Variants in PLEKHA2 observed in about 807,000 individuals in gnomAD.
PLEKHA2 encodes pleckstrin homology domain containing A2.
A neutral mutation model predicts 53.2 loss-of-function variants in PLEKHA2; 28 were observed. The ratio of observed to expected loss-of-function variants is 0.53; its 90% CI spans 0.39 to 0.72. PLEKHA2 has a LOEUF of 0.72. PLEKHA2 is among the 30% of genes least tolerant of loss of function. PLEKHA2 has a pLI of 0.00. For missense variants in PLEKHA2, 426 were observed against 537.9 expected, an observed-to-expected ratio of 0.79 and a Z score of 2.06; for synonymous variants, 193 against 196.4, an observed-to-expected ratio of 0.98 and a Z score of 0.14.
At chr8:38,950,603 G>C (rs1394095856) in intron 5 of PLEKHA2, 5 of 376,520 alleles carry the variant, frequency 1.3e-5, no homozygotes, top group Non-Finnish European at 2.4e-5. Flanking sequence ...TCTAGCCAGG[G>C]AAGGGCTGGC....
chr8:38,913,369 G>GAA (rs1469468565), intron 1 of PLEKHA2, among the ~76,000 whole-genome samples: 1 of 55,684 alleles, frequency 1.8e-5, no homozygotes, highest in African/African-American at 7.4e-5. Context: ...ATCTCAAAAA[G>GAA]GAAAAAAAAA....
chr8:38,946,293 T>A, intron 5 of PLEKHA2, 72 bp downstream of exon 5: 1 of 1,327,014 alleles, frequency 7.5e-7, no homozygotes, highest in Non-Finnish European at 1.1e-6. Flanking sequence ...TTGTTGGGGT[T>A]GGGGAAAACT....
chr8:38,908,794 CA>C (rs1833915256), intron 1 of PLEKHA2, among the ~76,000 whole-genome samples: 1 of 152,102 alleles, frequency 6.6e-6, no homozygotes, highest in South Asian at 2.1e-4. Flanking sequence ...AACCTGAAAA[CA>C]GAGTTTTTGA....
Position 38,946,163 on chromosome 8 carries a change from A to G in PLEKHA2, c.287A>G (p.Asn96Ser), listed in dbSNP as rs779442333. The G allele has an allele frequency of 2.4e-5, 38 of 1,608,908 alleles. No homozygotes were observed. In the Admixed American group the frequency reaches 2.9e-4, roughly 12 times the overall value. ...TCTCAGAGATATTTCCTTCAAGCCA[A>G]TGATCAGAAAGATATGAAGGACTGG... The part of the protein sequence containing the change: ...ALSQRYFLQA[N>S]DQKDMKDWVE... The change falls in exon 5 of 12, where the codon AAT (asparagine) becomes AGT (serine). Residue 96 changes from asparagine (N) to serine (S), a missense_variant. Physicochemically the swap from Asn to Ser is conservative, Grantham distance 46. Coordinates refer to ENST00000617275, the MANE Select transcript of PLEKHA2 (RefSeq NM_021623.2).
intron 10 of PLEKHA2, among the ~76,000 whole-genome samples, chr8:38,966,614 T>G (rs1394473958): frequency 6.6e-6 from 1 of 152,196 alleles, no homozygotes; most frequent in African/African-American, 2.4e-5. Context: ...GCGAGGCCGC[T>G]GGAGTTTCCT....
At chr8:38,950,777 C>T (rs1009822196) in intron 5 of PLEKHA2, 73 bp from the exon 6 acceptor site, 3 of 1,543,568 alleles carry the variant, frequency 1.9e-6, no homozygotes, top group Non-Finnish European at 2.6e-6. Flanking sequence ...CACGGCAGCC[C>T]CATTCTGTTT....
intron 9 of PLEKHA2, among the ~76,000 whole-genome samples, chr8:38,955,923 G>A (rs1834931125): frequency 1.3e-5 from 2 of 152,084 alleles, no homozygotes; most frequent in Non-Finnish European, 1.5e-5. Flanking sequence ...TGATCCTCCC[G>A]CCTCAGCCTC....
At chr8:38,928,574 C>A (rs1237133075) in intron 2 of PLEKHA2, among the ~76,000 whole-genome samples, 2 of 151,958 alleles carry the variant, frequency 1.3e-5, no homozygotes, top group Non-Finnish European at 2.9e-5. Context: ...GTCTCTGTCA[C>A]CAGAGTTGGA....
At chr8:38,958,426 C>A (rs1834980979) in intron 10 of PLEKHA2, among the ~76,000 whole-genome samples, 1 of 152,240 alleles carries the variant, frequency 6.6e-6, no homozygotes, top group South Asian at 2.1e-4. Flanking sequence ...TCCCGCTGCC[C>A]TTTCTTCTGG....
chr8:38,942,360 G>T (rs10088480), intron 3 of PLEKHA2, among the ~76,000 whole-genome samples: 45,268 of 151,956 alleles, frequency 0.3, 6,958 homozygotes, highest in Non-Finnish European at 0.32. Context: ...CTGTGATTGC[G>T]CCACTGCACT....
chr8:38,931,995 C>A (rs138304611), intron 2 of PLEKHA2, among the ~76,000 whole-genome samples: 51 of 151,898 alleles, frequency 3.4e-4, no homozygotes, highest in African/African-American at 1.2e-3. Context: ...CTCTTTTTTT[C>A]TTTTTAATAA....
chr8:38,956,775 G>C (rs1332975243), intron 9 of PLEKHA2, among the ~76,000 whole-genome samples: 1 of 152,108 alleles, frequency 6.6e-6, no homozygotes, highest in East Asian at 1.9e-4. Context: ...AGAGACTCTG[G>C]AGTCAGACCT....
Position 38,917,888 on chromosome 8 carries a change from A to G in PLEKHA2, c.-23-19A>G. The G allele has an allele frequency of 1.2e-6, 2 of 1,601,378 alleles. No individual in the cohort carries two copies. The highest frequency in any genetic ancestry group is 1.7e-6 in the Non-Finnish European group (2 of 1,171,204). The stretch of plus-strand genomic sequence containing the variant: ...CTGCTTCATCTTCCTTCTCATCAGC[A>G]CCTCCCTCCTGCGCGCAGGGTGATG... On this transcript the variant is annotated intron_variant, in intron 1 of 11. Coordinates refer to ENST00000617275, the MANE Select transcript of PLEKHA2 (RefSeq NM_021623.2).
At position 38,972,365 on chromosome 8, in the gene PLEKHA2, T is replaced by A. The variant is rs991865125; in HGVS notation, c.*2582T>A. 6.6e-6 allele frequency: 1 copy of A among 152,142 alleles called. No individual in the cohort carries two copies. The highest frequency in any genetic ancestry group is 2.4e-5 in the African/African-American group (1 of 41,420). The allele number at this position is 152,142 out of a possible 1,614,324, so 9.4% of individuals were successfully genotyped here. A position where few individuals can be genotyped will look rare whatever the true frequency, so the allele number is the denominator to read the frequency against. ...CCACGCCTGGCTAATTTTTAATTTT[T>A]TTTTATCTACAGAGCCTGGCTATGT... On this transcript the variant is annotated 3_prime_UTR_variant, in exon 12 of 12. Coordinates refer to ENST00000617275, the MANE Select transcript of PLEKHA2 (RefSeq NM_021623.2).
intron 1 of PLEKHA2, among the ~76,000 whole-genome samples, chr8:38,903,577 A>T (rs559386280): frequency 6.6e-6 from 1 of 152,136 alleles, no homozygotes; most frequent in Non-Finnish European, 1.5e-5. Flanking sequence ...GGGAAGGCTG[A>T]TGAGCCCTAT....
intron 2 of PLEKHA2, 111 bp from the exon 3 acceptor site, chr8:38,935,883 A>T: frequency 3.2e-6 from 3 of 927,604 alleles, no homozygotes; most frequent in Non-Finnish European, 5.3e-6. Context: ...TGGTTGAGTA[A>T]CTTGCTCAGT....
intron 10 of PLEKHA2, among the ~76,000 whole-genome samples, chr8:38,957,776 A>G (rs1344142798): frequency 1.3e-5 from 2 of 152,240 alleles, no homozygotes; most frequent in Non-Finnish European, 2.9e-5. Context: ...GGCCCTGTGC[A>G]GGCACCAGGT....
intron 2 of PLEKHA2, among the ~76,000 whole-genome samples, chr8:38,925,966 G>A (rs1284109793): frequency 2.0e-5 from 3 of 152,220 alleles, no homozygotes; most frequent in African/African-American, 7.2e-5. Flanking sequence ...ATAGATGCAC[G>A]TGGTGCAGAA....
At chr8:38,927,579 G>C (rs189346451) in intron 2 of PLEKHA2, among the ~76,000 whole-genome samples, 1 of 152,222 alleles carries the variant, frequency 6.6e-6, no homozygotes, top group East Asian at 1.9e-4. Context: ...TTGCATGTTT[G>C]GGGGAGGGGT....
Sources: allele counts gnomAD v4.1 joint callset (sites outside exome capture counted in the v4.1 genomes callset), GRCh38; gene constraint gnomAD v4.1.1; transcripts MANE v1.5; gene names NCBI Gene and HGNC (gene_info 2026-07-23, HGNC 2026-07-21).